The following CAMK2D variants were observed in gnomAD, a reference collection of about 807,000 sequenced individuals.
CAMK2D encodes calcium/calmodulin-dependent protein kinase type II subunit delta.
A neutral mutation model predicts 84.0 loss-of-function variants in CAMK2D; 37 were observed. That is an observed-to-expected ratio of 0.44 (90% CI 0.34 to 0.58). CAMK2D has a LOEUF of 0.58. CAMK2D is among the 20% of genes least tolerant of loss of function. The probability of loss-of-function intolerance (pLI) is 0.02; values close to 1 mark genes in which losing one functional copy is unlikely to be tolerated. For missense variants in CAMK2D, 448 were observed against 652.5 expected (o/e 0.69, Z 3.41); for synonymous variants, 202 against 212.5 (o/e 0.95, Z 0.43).
At chr4:113,630,842 C>T (rs1451969623) in intron 3 of CAMK2D, among the ~76,000 whole-genome samples, 1 of 152,154 alleles carries the variant, frequency 6.6e-6, no homozygotes, top group Non-Finnish European at 1.5e-5. Context: ...GCAAGAAAGA[C>T]TAGAAATTTG....
At chr4:113,634,894 T>C (rs1439938934) in intron 3 of CAMK2D, among the ~76,000 whole-genome samples, 1 of 152,128 alleles carries the variant, frequency 6.6e-6, no homozygotes, top group Non-Finnish European at 1.5e-5. Context: ...TTTGGAAGCC[T>C]AGAAGGCCAG....
intron 16 of CAMK2D, among the ~76,000 whole-genome samples, chr4:113,470,043 T>G (rs1318545703): frequency 6.6e-6 from 1 of 152,092 alleles, no homozygotes. Flanking sequence ...AATGCCTATC[T>G]CTTCAGATAA....
chr4:113,625,545 T>C (rs530193920), intron 3 of CAMK2D, among the ~76,000 whole-genome samples: 24 of 152,220 alleles, frequency 1.6e-4, no homozygotes, highest in South Asian at 6.2e-4. Context: ...ATATGGAAGA[T>C]AGACAAAAGC....
At chr4:113,684,325 TAA>T (rs1366920148) in intron 2 of CAMK2D, among the ~76,000 whole-genome samples, 1 of 152,164 alleles carries the variant, frequency 6.6e-6, no homozygotes, top group Admixed American at 6.5e-5. Context: ...TATATTTACA[TAA>T]AAAGTCAGAC....
intron 4 of CAMK2D, among the ~76,000 whole-genome samples, chr4:113,571,900 T>C (rs902123131): frequency 2.6e-5 from 4 of 152,164 alleles, no homozygotes; most frequent in African/African-American, 9.7e-5. Flanking sequence ...ACTAGAGAAG[T>C]GTGAAAACCA....
intron 2 of CAMK2D, among the ~76,000 whole-genome samples, chr4:113,681,065 G>C (rs1176010483): frequency 2.0e-5 from 3 of 152,150 alleles, no homozygotes; most frequent in Non-Finnish European, 4.4e-5. Flanking sequence ...TTAGCTCCCT[G>C]TTGACTACAT....
In CAMK2D at chr4:113,477,812, C is replaced by A. The variant is rs542638891; in HGVS notation, c.1136-12208G>T. Reference sequence around the variant, plus strand: ...TCCAGTAAAGGTGTTCTTAGTTTAACCAATGCAACTGCAGTAAAAATTAAA... The same window carrying A: ...TCCAGTAAAGGTGTTCTTAGTTTAAACAATGCAACTGCAGTAAAAATTAAA... On this transcript the variant is annotated intron_variant, in intron 16 of 20. Coordinates refer to ENST00000511664, the MANE Select transcript of CAMK2D (RefSeq NM_001321571.2). Among the ~76,000 whole-genome samples the A allele has an allele frequency of 1.5e-4, 23 of 150,982 alleles. No homozygotes were observed. In the South Asian group the frequency reaches 3.8e-3, roughly 25 times the overall value.
chr4:113,500,023 ACT>A (rs1382813432), intron 16 of CAMK2D, among the ~76,000 whole-genome samples: 1 of 108,464 alleles, frequency 9.2e-6, no homozygotes. Context: ...AGAAAATTCT[ACT>A]GATATTATTT....
chr4:113,498,938 A>G (rs75367966), intron 16 of CAMK2D, among the ~76,000 whole-genome samples: 92 of 152,312 alleles, frequency 6.0e-4, no homozygotes, highest in Middle Eastern at 3.4e-3. Context: ...GATGAACTGC[A>G]TATAGTAAGG....
intron 16 of CAMK2D, among the ~76,000 whole-genome samples, chr4:113,494,057 A>AAAG (rs2097888396): frequency 6.6e-6 from 1 of 152,000 alleles, no homozygotes; most frequent in South Asian, 2.1e-4. Context: ...AATTTTTTTC[A>AAAG]AAGTTTTCAA....
At chr4:113,573,779 G>C (rs2098766356) in intron 4 of CAMK2D, among the ~76,000 whole-genome samples, 1 of 152,010 alleles carries the variant, frequency 6.6e-6, no homozygotes. Context: ...AAGATCAAAG[G>C]CTTCATTTCC....
chr4:113,508,587 A>G (rs1218086089), intron 13 of CAMK2D, among the ~76,000 whole-genome samples: 1 of 152,222 alleles, frequency 6.6e-6, no homozygotes, highest in Admixed American at 6.5e-5. Flanking sequence ...CTTAAAATCT[A>G]AATGGAATAA....
chr4:113,546,727 T>C (rs1402267563), intron 6 of CAMK2D, among the ~76,000 whole-genome samples: 1 of 152,226 alleles, frequency 6.6e-6, no homozygotes, highest in Non-Finnish European at 1.5e-5. Context: ...GAATCAAAAC[T>C]ATATACAGTG....
chr4:113,619,753 C>T (rs1368034582), intron 3 of CAMK2D, among the ~76,000 whole-genome samples: 3 of 152,030 alleles, frequency 2.0e-5, no homozygotes, highest in South Asian at 2.1e-4. Flanking sequence ...AATTTGTTTA[C>T]GTATTATCCA....
intron 2 of CAMK2D, among the ~76,000 whole-genome samples, chr4:113,716,894 C>T (rs956177240): frequency 3.2e-4 from 49 of 152,012 alleles, no homozygotes; most frequent in African/African-American, 1.1e-3. Context: ...CACACCAAAA[C>T]AAAAACAACC....
intron 16 of CAMK2D, among the ~76,000 whole-genome samples, chr4:113,499,158 TA>T (rs1386198541): frequency 3.3e-5 from 5 of 151,114 alleles, no homozygotes; most frequent in South Asian, 2.1e-4. Context: ...TTTATTTGGC[TA>T]AAAAAAAAGA....
At chr4:113,474,431 C>T (rs185123558) in intron 16 of CAMK2D, among the ~76,000 whole-genome samples, 5 of 147,976 alleles carry the variant, frequency 3.4e-5, no homozygotes, top group Non-Finnish European at 5.9e-5. Flanking sequence ...AAAATTCAGA[C>T]GTGGAAAAGA....
chr4:113,753,121 T>G (rs1238070048), intron 2 of CAMK2D, among the ~76,000 whole-genome samples: 2 of 152,082 alleles, frequency 1.3e-5, no homozygotes, highest in African/African-American at 4.8e-5. Context: ...TTACTAATTT[T>G]GAGGCCTTAT....
intron 3 of CAMK2D, among the ~76,000 whole-genome samples, chr4:113,613,535 C>A (rs370164981): frequency 5.3e-5 from 8 of 152,048 alleles, no homozygotes; most frequent in African/African-American, 1.9e-4. Context: ...AAAAAGAAAA[C>A]CATTTTGACT....
Sources: allele counts gnomAD v4.1 joint callset (sites outside exome capture counted in the v4.1 genomes callset), GRCh38; gene constraint gnomAD v4.1.1; transcripts MANE v1.5; gene names NCBI Gene and HGNC (gene_info 2026-07-23, HGNC 2026-07-21).